The following SYNRG variants were observed in gnomAD, a reference collection of about 807,000 sequenced individuals.
SYNRG encodes the protein AP1 gamma subunit binding protein 1.
A neutral mutation model predicts 130.9 loss-of-function variants in SYNRG; 37 were observed. The observed-to-expected ratio is 0.28, with a 90% CI of 0.22 to 0.37. The LOEUF (loss-of-function observed/expected upper bound fraction) is 0.37. SYNRG is among the 10% of genes least tolerant of loss of function. The pLI is 1.00. For missense variants in SYNRG, 1,338 were observed against 1,588.9 expected (o/e 0.84, Z 2.68); for synonymous variants, 539 against 568.1 (o/e 0.95, Z 0.73).
rs186654874 is a variant in SYNRG, at chr17:37,525,702, T to A, written c.3667-5054A>T. 3.2e-3 allele frequency among the ~76,000 whole-genome samples: 481 copies of A among 152,162 alleles called. 4 individuals carry two copies. Among genetic ancestry groups the A allele is most frequent in the Admixed American group, 0.025 (389 of 15,280 alleles). ...ACAAAAAAATGCCGGGAGCGGTGGCTCACACCTGTAATCTCAGCACTTTGG... is the reference window on the plus strand; with the variant it reads ...ACAAAAAAATGCCGGGAGCGGTGGCACACACCTGTAATCTCAGCACTTTGG... On this transcript the variant is annotated intron_variant, in intron 19 of 21. Coordinates refer to ENST00000612223, the MANE Select transcript of SYNRG (RefSeq NM_007247.6).
chr17:37,578,983 A>T, intron 6 of SYNRG: 1 of 525,876 alleles, frequency 1.9e-6, no homozygotes, highest in Non-Finnish European at 2.5e-6. Context: ...TTAAAAATCT[A>T]GACACTTGTT....
At position 37,517,889 on chromosome 17, in the gene SYNRG, G is replaced by A. The variant is rs1201431258; in HGVS notation, c.*1051C>T. 6.6e-6 allele frequency: 1 copy of A among 152,172 alleles called. No individual in the cohort carries two copies. The highest frequency in any genetic ancestry group is 2.4e-5 in the African/African-American group (1 of 41,438). The allele number at this position is 152,172 out of a possible 1,614,324, so 9.4% of individuals were successfully genotyped here. Reference sequence around the variant, plus strand: ...TGGCAAAGACAATTCCCTACTCCAGGAAGCATGAGCCTTTTCTATCTAAAA... The same window carrying A: ...TGGCAAAGACAATTCCCTACTCCAGAAAGCATGAGCCTTTTCTATCTAAAA... On this transcript the variant is annotated 3_prime_UTR_variant, in exon 22 of 22. Transcript: ENST00000612223.
chr17:37,601,958 T>C (rs2063323703), intron 1 of SYNRG, among the ~76,000 whole-genome samples: 1 of 152,102 alleles, frequency 6.6e-6, no homozygotes, highest in Non-Finnish European at 1.5e-5. Flanking sequence ...CTACGGCACT[T>C]GGCCTAGGCT....
At chr17:37,541,313 G>C (rs1410844071) in intron 15 of SYNRG, 1 of 956,312 alleles carries the variant, frequency 1.0e-6, no homozygotes, top group Non-Finnish European at 1.2e-6. Flanking sequence ...CAGAGACCAG[G>C]CAAGTAAAGT....
At chr17:37,579,173 T>A in intron 6 of SYNRG, 3 of 1,213,916 alleles carry the variant, frequency 2.5e-6, no homozygotes. Context: ...AGTAGAGAAG[T>A]AAGGAATTTG....
At chr17:37,604,014 G>C (rs181236900) in intron 1 of SYNRG, among the ~76,000 whole-genome samples, 6 of 152,276 alleles carry the variant, frequency 3.9e-5, no homozygotes, top group Admixed American at 3.3e-4. Flanking sequence ...GCCGAGGTGG[G>C]TGGATTACCT....
intron 13 of SYNRG, 105 bp downstream of exon 13, chr17:37,561,090 C>G: frequency 1.1e-6 from 1 of 909,806 alleles, no homozygotes. Flanking sequence ...AACACACAGA[C>G]ACACACACAC....
intron 14 of SYNRG, among the ~76,000 whole-genome samples, chr17:37,543,708 C>T (rs2057998243): frequency 6.6e-6 from 1 of 152,200 alleles, no homozygotes; most frequent in Non-Finnish European, 1.5e-5. Context: ...TTAATTGCTG[C>T]TTTAGGGCCT....
Position 37,520,639 on chromosome 17 carries a change from T to C in SYNRG, c.3676A>G (p.Asn1226Asp). Reference sequence around the variant, plus strand: ...ATACAGGAGGAAAAATCCAGCGAGTTTTCATCTGGCTGTGAGGACGACAAG... The same window carrying C: ...ATACAGGAGGAAAAATCCAGCGAGTCTTCATCTGGCTGTGAGGACGACAAG... ...MSLATLTPDENSLDFSSCMLR... is the reference protein window; with the variant it reads ...MSLATLTPDEDSLDFSSCMLR... Residue 1226 changes from asparagine to aspartate, a missense_variant, in exon 20 of 22, where the codon AAC becomes GAC. Coordinates refer to ENST00000612223, the MANE Select transcript of SYNRG (RefSeq NM_007247.6). 1 of 1,614,130 alleles carries C rather than the reference T, an allele frequency of 6.2e-7. No homozygotes were observed. Among genetic ancestry groups the C allele is most frequent in the Non-Finnish European group, 8.5e-7 (1 of 1,180,004 alleles).
intron 13 of SYNRG, among the ~76,000 whole-genome samples, chr17:37,560,079 A>ATTTT (rs1220898775): frequency 6.6e-6 from 1 of 151,310 alleles, no homozygotes; most frequent in Non-Finnish European, 1.5e-5. Context: ...TTATTTATTT[A>ATTTT]TTTTCATTTT....
At chr17:37,528,559 A>G (rs1235127757) in intron 19 of SYNRG, among the ~76,000 whole-genome samples, 2 of 152,206 alleles carry the variant, frequency 1.3e-5, no homozygotes, top group South Asian at 4.1e-4. Context: ...AAATGAAGCA[A>G]TAGTGTTAAG....
chr17:37,570,882 C>A lies in SYNRG; in HGVS notation c.1102G>T (p.Gly368Cys), dbSNP rs199758579. The A allele has an allele frequency of 1.6e-5, 25 of 1,612,210 alleles. No homozygotes were observed. In the East Asian group the frequency reaches 5.1e-4, roughly 33 times the overall value. The change falls in exon 10 of 22, where the codon GGC becomes TGC. Residue 368 changes from glycine (G) to cysteine (C), a missense_variant. Physicochemically the swap from Gly to Cys is radical, Grantham distance 159. Around this residue, in one of 3 missense-constraint regions of SYNRG, gnomAD observed 1,146 missense variants for 1,342.3 expected, o/e 0.85. Transcript: ENST00000612223. ...GCATCAGGACTCATTGCAGGAACGC[C>A]CCTCTACAAATGATAGAAAGAAAAT... ...VLAMIAVTQR[G>C]VPAMSPDALN...
intron 1 of SYNRG, among the ~76,000 whole-genome samples, chr17:37,607,825 C>T (rs1231684488): frequency 1.3e-5 from 2 of 151,684 alleles, no homozygotes; most frequent in Non-Finnish European, 1.5e-5. Context: ...GGCATGGTGG[C>T]GCGCACCTGT....
At chr17:37,558,226 G>C (rs943839337) in intron 13 of SYNRG, among the ~76,000 whole-genome samples, 1 of 152,140 alleles carries the variant, frequency 6.6e-6, no homozygotes, top group Non-Finnish European at 1.5e-5. Flanking sequence ...TCTTATAAGA[G>C]GTGGGCTTTC....
chr17:37,580,036 T>C (rs1278552203), intron 6 of SYNRG, among the ~76,000 whole-genome samples: 1 of 152,206 alleles, frequency 6.6e-6, no homozygotes, highest in Non-Finnish European at 1.5e-5. Flanking sequence ...ATTTTTGCAG[T>C]TGAAATGATC....
rs2054414383 is a variant in SYNRG at position 37,516,218 on chromosome 17, G to A, written c.*2722C>T. 1 of 152,160 alleles carries A rather than the reference G, an allele frequency of 6.6e-6. No homozygotes were observed. The highest frequency in any genetic ancestry group is 2.4e-5 in the African/African-American group (1 of 41,436). 9.4% of individuals were successfully genotyped at this position (152,160 alleles called of 1,614,324 possible). On this transcript the variant is annotated 3_prime_UTR_variant, in exon 22 of 22. Coordinates refer to ENST00000612223, the MANE Select transcript of SYNRG (RefSeq NM_007247.6). ...TGGCTACAGTTTCCAAGGACACGGGGCTCCTGGCTGACAAGAAGAGCTGAG... is the reference window on the plus strand; with the variant it reads ...TGGCTACAGTTTCCAAGGACACGGGACTCCTGGCTGACAAGAAGAGCTGAG...
intron 19 of SYNRG, among the ~76,000 whole-genome samples, chr17:37,522,783 G>T (rs779564773): frequency 6.6e-5 from 10 of 152,022 alleles, no homozygotes; most frequent in Non-Finnish European, 1.3e-4. Flanking sequence ...TGGGACTATA[G>T]GCGTGCACCA....
chr17:37,542,052 A>G lies in SYNRG; in HGVS notation c.3122T>C (p.Val1041Ala). 1.9e-6 allele frequency: 3 copies of G among 1,614,220 alleles called. No homozygotes were observed. Among genetic ancestry groups the G allele is most frequent in the Non-Finnish European group, 2.5e-6 (3 of 1,180,028 alleles). ...TTTCATTTTGCTTTGTGAAGTGGCT[A>G]CTAAGAAGTCAAATTTGCTGATTTT... ...KPKISKFDFL[V>A]ATSQSKMKSS... Residue 1041 changes from valine to alanine, a missense_variant, in exon 15 of 22, where the codon GTA becomes GCA. Val to Ala is a moderately conservative substitution (Grantham distance 64, BLOSUM62 0). Transcript: ENST00000612223.
chr17:37,581,465 A>G (rs1325741343), intron 6 of SYNRG, among the ~76,000 whole-genome samples: 1 of 151,262 alleles, frequency 6.6e-6, no homozygotes, highest in African/African-American at 2.4e-5. Flanking sequence ...TTTAGTAGAG[A>G]TGGGGTTTCA....
Sources: gnomAD v4.1 joint callset for allele counts (sites outside exome capture counted in the v4.1 genomes callset) on GRCh38, gnomAD v4.1.1 for gene constraint, gnomAD v4.1.1 regional missense constraint, MANE v1.5 for transcripts, NCBI Gene and HGNC (gene_info 2026-07-23, HGNC 2026-07-21) for gene names.